Variants in RFC4 observed in about 807,000 individuals in gnomAD.
The protein encoded by RFC4 is replication factor C subunit 4, also known as A1 37 kDa subunit.
RFC4 carries 38 observed loss-of-function variants against 47.6 expected under a neutral mutation model. That is an observed-to-expected ratio of 0.80 (90% confidence interval 0.62 to 1.05). The LOEUF (loss-of-function observed/expected upper bound fraction) is 1.05, where lower values mean the gene tolerates loss of function less well. Ranked by LOEUF, RFC4 falls within the 50% of genes least tolerant of loss-of-function variation. The pLI is 0.00. For missense variants in RFC4, 489 were observed against 434.0 expected (o/e 1.13, Z -1.13); for synonymous variants, 164 against 150.0 (o/e 1.09, Z -0.68).
chr3:186,790,117 T>TAC, intron 10 of RFC4, 25 bp downstream of exon 10: 2 of 1,604,160 alleles, frequency 1.2e-6, no homozygotes, highest in African/African-American at 2.7e-5. Context: ...AATGTTCCAT[T>TAC]GACATGTGCA....
chr3:186,802,817 GA>G (rs1722386780), intron 2 of RFC4, among the ~76,000 whole-genome samples: 1 of 152,024 alleles, frequency 6.6e-6, no homozygotes, highest in Non-Finnish European at 1.5e-5. Flanking sequence ...AGATTAAGCA[GA>G]TAACAAGAGT....
chr3:186,790,467 C>G, intron 8 of RFC4, 61 bp from the exon 9 acceptor site: 2 of 1,169,368 alleles, frequency 1.7e-6, no homozygotes. Context: ...ATACACTCTG[C>G]CAACTGGCCC....
chr3:186,801,730 A>AAAAAAAG (rs1348449105), intron 2 of RFC4, among the ~76,000 whole-genome samples: 1 of 149,830 alleles, frequency 6.7e-6, no homozygotes, highest in African/African-American at 2.5e-5. Flanking sequence ...AAAAAAAAAA[A>AAAAAAAG]AGAAATTAAA....
intron 3 of RFC4, among the ~76,000 whole-genome samples, 165 bp downstream of exon 3, chr3:186,800,952 C>T (rs1022570996): frequency 6.6e-6 from 1 of 152,060 alleles, no homozygotes. Context: ...ATAGGAGATG[C>T]TCAATAAATA....
chr3:186,798,707 T>C lies in RFC4; in HGVS notation c.211-1093A>G, dbSNP rs528248351. On this transcript the variant is annotated intron_variant, in intron 3 of 10. Coordinates refer to ENST00000296273, the MANE Select transcript of RFC4 (RefSeq NM_002916.5). The stretch of plus-strand genomic sequence containing the variant: ...CATGACCTGGAGTCTGATCCTCTTC[T>C]TTCTGCCTGGCCAACTCCTAATGCA... Among the ~76,000 whole-genome samples the C allele has an allele frequency of 2.0e-5, 3 of 152,244 alleles. No individual in the cohort carries two copies. The South Asian group carries it at 6.2e-4, about 32-fold the overall frequency.
chr3:186,797,403 AT>A (rs1352420790), intron 4 of RFC4, 131 bp downstream of exon 4: 1 of 614,588 alleles, frequency 1.6e-6, no homozygotes, highest in East Asian at 2.8e-5. Context: ...GGCTCATGGG[AT>A]TTTTAAAAAT....
chr3:186,799,718 C>CA (rs142623795), intron 3 of RFC4, among the ~76,000 whole-genome samples: 3,288 of 148,272 alleles, frequency 0.022, 72 homozygotes, highest in East Asian at 0.073. Context: ...GTCTCAATTA[C>CA]AAAAAAAAAC....
intron 8 of RFC4, 74 bp from the exon 9 acceptor site, chr3:186,790,480 G>GT (rs1170401890): frequency 9.8e-7 from 1 of 1,022,126 alleles, no homozygotes; most frequent in African/African-American, 1.6e-5. Context: ...ACTGGCCCCC[G>GT]TGCCCCCAGT....
chr3:186,801,775 A>G (rs971177797), intron 2 of RFC4, among the ~76,000 whole-genome samples: 1 of 151,540 alleles, frequency 6.6e-6, no homozygotes, highest in Non-Finnish European at 1.5e-5. Flanking sequence ...ACTAATCCCA[A>G]CACTTAGGGA....
In RFC4 at chr3:186,790,270, A is replaced by C. The variant is rs779491357; in HGVS notation, c.883-15T>G. 1.2e-6 allele frequency: 2 copies of C among 1,611,346 alleles called. No homozygotes were observed. The highest frequency in any genetic ancestry group is 1.1e-5 in the South Asian group (1 of 90,976). ...TCTATTAAATCCTATAATAAAAAAA[A>C]CTTTTGGTATGATGACTTAATATTC... On this transcript the variant is annotated splice_polypyrimidine_tract_variant and intron_variant, in intron 9 of 10. Coordinates refer to ENST00000296273, the MANE Select transcript of RFC4 (RefSeq NM_002916.5).
At chr3:186,799,669 C>T (rs1033631608) in intron 3 of RFC4, among the ~76,000 whole-genome samples, 51 of 151,950 alleles carry the variant, frequency 3.4e-4, no homozygotes, top group Non-Finnish European at 4.4e-4. Flanking sequence ...GCTGGTATCA[C>T]GCCACTGCAC....
intron 4 of RFC4, among the ~76,000 whole-genome samples, chr3:186,795,347 C>T (rs571812670): frequency 7.2e-5 from 11 of 152,282 alleles, no homozygotes; most frequent in Non-Finnish European, 1.2e-4. Flanking sequence ...AGTATCTTGG[C>T]ATATTATCAA....
Position 186,791,759 on chromosome 3 carries a change from T to C in RFC4, c.767A>G (p.Glu256Gly). 1 of 1,612,116 alleles carries C rather than the reference T, an allele frequency of 6.2e-7. No homozygotes were observed. The highest frequency in any genetic ancestry group is 8.5e-7 in the Non-Finnish European group (1 of 1,178,148). ...QSATRLTGGK[E>G]ITEKVITDIA... The stretch of plus-strand genomic sequence containing the variant: ...GTCTGTAATCACTTTCTCTGTGATC[T>C]CCTTTCCACCTGTTAATCGAGTAGC... Residue 256 changes from glutamate (E) to glycine (G), a missense_variant, in exon 8 of 11, where the codon GAG becomes GGG. By Grantham distance (98) the Glu-to-Gly change is moderately conservative. Coordinates refer to ENST00000296273, the MANE Select transcript of RFC4 (RefSeq NM_002916.5).
intron 8 of RFC4, chr3:186,791,507 T>A (rs1014805299): frequency 7.3e-6 from 4 of 549,438 alleles, no homozygotes; most frequent in Admixed American, 3.1e-5. Context: ...ACTGAAAGTG[T>A]CCTTTTCTTT....
At chr3:186,790,283 TGAC>T (rs562813761) in intron 9 of RFC4, 28 bp from the exon 10 acceptor site, 2 of 1,610,722 alleles carry the variant, frequency 1.2e-6, no homozygotes, top group South Asian at 1.1e-5. Flanking sequence ...TTTGGTATGA[TGAC>T]TTAATATTCC....
chr3:186,804,743 G>T lies in RFC4; in HGVS notation c.-11-19C>A. The stretch of plus-strand genomic sequence containing the variant: ...CTTCACCCTGGTCAGGTGCAAGACA[G>T]AAAAAAAAAGCTTTTATTGAAACTT... On this transcript the variant is annotated intron_variant, in intron 1 of 10. Coordinates refer to ENST00000296273, the MANE Select transcript of RFC4 (RefSeq NM_002916.5). 6.4e-7 allele frequency: 1 copy of T among 1,552,900 alleles called. No homozygotes were observed.
intron 3 of RFC4, among the ~76,000 whole-genome samples, chr3:186,798,337 A>G (rs1321849150): frequency 6.6e-6 from 1 of 152,138 alleles, no homozygotes; most frequent in East Asian, 1.9e-4. Flanking sequence ...TAATAAGTCA[A>G]CTAAATTCTA....
At position 186,790,078 on chromosome 3, in the gene RFC4, T is replaced by A. The variant is rs752640121; in HGVS notation, c.997-14A>T. The A allele has an allele frequency of 1.4e-5, 23 of 1,611,318 alleles. No individual in the cohort carries two copies. The East Asian group carries it at 5.1e-4, about 36-fold the overall frequency. Reference sequence around the variant, plus strand: ...TTTGTCAACTTCCTACGAGAAAAATTTAAGAAATTAGCATCCTTCAGGTAG... The same window carrying A: ...TTTGTCAACTTCCTACGAGAAAAATATAAGAAATTAGCATCCTTCAGGTAG... On this transcript the variant is annotated splice_polypyrimidine_tract_variant and intron_variant, in intron 10 of 10. Transcript: ENST00000296273.
At position 186,794,859 on chromosome 3, in the gene RFC4, G is replaced by A. The variant is rs536161445; in HGVS notation, c.291-82C>T. The A allele has an allele frequency of 2.7e-4, 396 of 1,476,280 alleles. 1 individual carries two copies. Among genetic ancestry groups the A allele is most frequent in the Admixed American group, 3.8e-4 (20 of 52,708 alleles). 91.4% of individuals were successfully genotyped at this position (1,476,280 alleles called of 1,614,324 possible). A position where few individuals can be genotyped will look rare whatever the true frequency, so the allele number is the denominator to read the frequency against. ...TTTAACATTTGCACACTTTGCAGAC[G>A]TTTAAAATCCACCTAGTAAACAACA... On this transcript the variant is annotated intron_variant, in intron 4 of 10. Coordinates refer to ENST00000296273, the MANE Select transcript of RFC4 (RefSeq NM_002916.5).
Sources: allele counts gnomAD v4.1 joint callset (sites outside exome capture counted in the v4.1 genomes callset), GRCh38; gene constraint gnomAD v4.1.1; transcripts MANE v1.5; gene names NCBI Gene and HGNC (gene_info 2026-07-23, HGNC 2026-07-21).